Variants in ZNF385D observed in about 807,000 individuals in gnomAD.
ZNF385D encodes the protein zinc finger protein 659.
ZNF385D carries 15 observed loss-of-function variants against 35.8 expected under a neutral mutation model. That is an observed-to-expected ratio of 0.42 (90% CI 0.28 to 0.64). The LOEUF is 0.64. ZNF385D is among the 30% of genes least tolerant of loss of function. The pLI is 0.23. For synonymous variants in ZNF385D, 212 were observed against 186.8 expected (o/e 1.13, Z -1.10); for missense variants, 474 against 494.6 (o/e 0.96, Z 0.39).
At chr3:21,878,719 G>C (rs1446757494) in intron 3 of ZNF385D, among the ~76,000 whole-genome samples, 1 of 152,014 alleles carries the variant, frequency 6.6e-6, no homozygotes, top group Non-Finnish European at 1.5e-5. Context: ...TGGAATTTCT[G>C]AGTCATGGAT....
chr3:22,336,909 C>CAGAAAAAAAAAAAAA (rs1695186481), intron 2 of ZNF385D, among the ~76,000 whole-genome samples: 1 of 47,952 alleles, frequency 2.1e-5, no homozygotes, highest in Non-Finnish European at 3.6e-5. Context: ...AGTGATTTTT[C>CAGAAAAAAAAAAAAA]AAAAAAAAAA....
chr3:21,900,620 C>T (rs1039382614), intron 3 of ZNF385D, among the ~76,000 whole-genome samples: 9 of 151,898 alleles, frequency 5.9e-5, no homozygotes, highest in Non-Finnish European at 1.2e-4. Flanking sequence ...ACTGACAATT[C>T]AGAGAAGACA....
At chr3:21,740,183 T>C (rs2069442531) in intron 1 of ZNF385D, among the ~76,000 whole-genome samples, 2 of 152,180 alleles carry the variant, frequency 1.3e-5, no homozygotes. Context: ...ATGCGGTGTC[T>C]TGTAGAATAG....
chr3:21,694,792 T>C (rs1447150336), intron 1 of ZNF385D, among the ~76,000 whole-genome samples: 1 of 152,208 alleles, frequency 6.6e-6, no homozygotes, highest in Non-Finnish European at 1.5e-5. Flanking sequence ...GATCCACTTC[T>C]TACTAACTGT....
chr3:22,011,960 C>A (rs1186515720), intron 3 of ZNF385D, among the ~76,000 whole-genome samples: 1 of 152,114 alleles, frequency 6.6e-6, no homozygotes. Flanking sequence ...TCCCTCCCTT[C>A]TTTTCTTCTT....
intron 3 of ZNF385D, among the ~76,000 whole-genome samples, chr3:21,990,932 A>G (rs540983187): frequency 9.8e-5 from 15 of 152,352 alleles, no homozygotes; most frequent in African/African-American, 3.4e-4. Context: ...CTATCTTTCT[A>G]AACAACAAAT....
chr3:22,001,565 C>T (rs1695848311), intron 3 of ZNF385D, among the ~76,000 whole-genome samples: 1 of 152,090 alleles, frequency 6.6e-6, no homozygotes, highest in African/African-American at 2.4e-5. Flanking sequence ...CCACTCTCAG[C>T]ACTAGACAGA....
intron 1 of ZNF385D, among the ~76,000 whole-genome samples, chr3:21,747,594 C>A (rs984247765): frequency 3.3e-5 from 5 of 152,160 alleles, no homozygotes; most frequent in African/African-American, 1.2e-4. Context: ...ATGTGTCAGG[C>A]CAGATGGAAA....
intron 3 of ZNF385D, among the ~76,000 whole-genome samples, chr3:21,534,429 C>G (rs573703920): frequency 6.6e-6 from 1 of 151,952 alleles, no homozygotes; most frequent in Non-Finnish European, 1.5e-5. Flanking sequence ...AATACTCAAC[C>G]AAAGGTGGTT....
intron 2 of ZNF385D, among the ~76,000 whole-genome samples, chr3:22,170,273 C>A (rs1180739429): frequency 6.6e-6 from 1 of 152,180 alleles, no homozygotes; most frequent in Non-Finnish European, 1.5e-5. Context: ...CAAAAGTGGT[C>A]CTTGCAATTA....
At chr3:21,524,124 G>A (rs536043184) in intron 3 of ZNF385D, among the ~76,000 whole-genome samples, 6 of 152,306 alleles carry the variant, frequency 3.9e-5, no homozygotes, top group Non-Finnish European at 7.4e-5. Flanking sequence ...AAGTCCCAAG[G>A]TTTGGGGGAA....
At chr3:22,240,201 A>AGAAG (rs1553635045) in intron 2 of ZNF385D, among the ~76,000 whole-genome samples, 1 of 121,044 alleles carries the variant, frequency 8.3e-6, no homozygotes, top group African/African-American at 3.2e-5. Context: ...AAAAAAAAAA[A>AGAAG]AAGATTTCAG....
intron 3 of ZNF385D, among the ~76,000 whole-genome samples, chr3:21,985,933 A>G (rs1576087616): frequency 1.5e-5 from 2 of 129,630 alleles, no homozygotes; most frequent in Non-Finnish European, 3.2e-5. Context: ...CGTTTCTTCT[A>G]GATTTTCTAG....
At position 21,913,264 on chromosome 3, in the gene ZNF385D, A is replaced by G. The variant is rs566248234; in HGVS notation, c.326-248236T>C. ...TGCAGTGCTGCAATGCGTGTTAACTAGAACCATTATAATTTCACCTGCAGA... is the reference window on the plus strand; with the variant it reads ...TGCAGTGCTGCAATGCGTGTTAACTGGAACCATTATAATTTCACCTGCAGA... On this transcript the variant is annotated intron_variant, in intron 3 of 5. Coordinates refer to the ZNF385D transcript ENST00000494108. 2.0e-5 allele frequency among the ~76,000 whole-genome samples: 3 copies of G among 152,266 alleles called. No individual in the cohort carries two copies. The South Asian group carries it at 6.2e-4, about 32-fold the overall frequency.
In ZNF385D at chr3:21,927,464, C is replaced by T. The variant is rs80178588; in HGVS notation, c.325+241353G>A. On this transcript the variant is annotated intron_variant, in intron 3 of 5. Coordinates refer to the ZNF385D transcript ENST00000494108. Reference sequence around the variant, plus strand: ...AATAAGTGAAAACAACTCGTATGTTCTTCAACTGGTAAATGATTAAATAAA... The same window carrying T: ...AATAAGTGAAAACAACTCGTATGTTTTTCAACTGGTAAATGATTAAATAAA... Among the ~76,000 whole-genome samples the T allele has an allele frequency of 3.9e-3, 589 of 152,214 alleles. 8 individuals carry two copies. Among genetic ancestry groups the T allele is most frequent in the East Asian group, 0.012 (62 of 5,190 alleles).
At chr3:21,673,573 AC>A (rs1332019261) in intron 1 of ZNF385D, among the ~76,000 whole-genome samples, 9 of 152,150 alleles carry the variant, frequency 5.9e-5, no homozygotes, top group African/African-American at 1.9e-4. Context: ...GAAGCCAGAC[AC>A]CGTTGGGACC....
At chr3:21,832,206 A>T (rs751774443) in intron 3 of ZNF385D, among the ~76,000 whole-genome samples, 2 of 152,248 alleles carry the variant, frequency 1.3e-5, no homozygotes, top group Middle Eastern at 3.4e-3. Flanking sequence ...TTTTCTTCAC[A>T]TCTACTTTCA....
intron 3 of ZNF385D, among the ~76,000 whole-genome samples, chr3:22,156,413 A>G (rs765965368): frequency 6.6e-6 from 1 of 152,120 alleles, no homozygotes. Flanking sequence ...GATGGATTAC[A>G]TGCTCTTCAA....
At chr3:22,046,084 T>C (rs375102330) in intron 3 of ZNF385D, among the ~76,000 whole-genome samples, 49 of 143,674 alleles carry the variant, frequency 3.4e-4, no homozygotes, top group Non-Finnish European at 6.6e-4. Flanking sequence ...AAATTGATGA[T>C]AGTGGCTTAG....
Sources: gnomAD v4.1 joint callset for allele counts (sites outside exome capture counted in the v4.1 genomes callset) on GRCh38, gnomAD v4.1.1 for gene constraint, MANE v1.5 for transcripts, NCBI Gene and HGNC (gene_info 2026-07-23, HGNC 2026-07-21) for gene names.